The following GABRA3 variants were observed in gnomAD, a reference collection of about 807,000 sequenced individuals.
GABRA3 encodes the protein gamma-aminobutyric acid receptor subunit alpha-3.
Under a neutral mutation model 30.1 loss-of-function variants are expected in GABRA3, and 10 were observed. The ratio of observed to expected loss-of-function variants is 0.33; its 90% CI spans 0.20 to 0.56. The LOEUF (loss-of-function observed/expected upper bound fraction) is 0.56. Ranked by LOEUF, GABRA3 falls within the 20% of genes least tolerant of loss-of-function variation. The pLI is 0.89. For synonymous variants in GABRA3, 151 were observed against 146.8 expected (o/e 1.03, Z -0.21); for missense variants, 233 against 392.0 (o/e 0.59, Z 3.42).
intron 1 of GABRA3, among the ~76,000 whole-genome samples, chrX:152,407,001 G>A (rs185618921): frequency 3.5e-3 from 389 of 111,683 alleles, no homozygotes; most frequent in Middle Eastern, 9.2e-3. Context: ...ATGACCATTG[G>A]GCCAATAAAC....
chrX:152,413,682 C>T (rs772775039), intron 1 of GABRA3, among the ~76,000 whole-genome samples: 1 of 111,084 alleles, frequency 9.0e-6, no homozygotes, highest in South Asian at 3.7e-4. Flanking sequence ...CTGAAAAAAA[C>T]GTTGAGCTGC....
chrX:152,440,504 C>T (rs752746302), intron 1 of GABRA3, among the ~76,000 whole-genome samples: 5 of 112,021 alleles, frequency 4.5e-5, no homozygotes, highest in Admixed American at 1.9e-4. Flanking sequence ...TTTGACCCAG[C>T]GATCCCATTA....
intron 5 of GABRA3, among the ~76,000 whole-genome samples, chrX:152,241,072 C>T (rs1938354421): frequency 9.1e-6 from 1 of 109,916 alleles, no homozygotes; most frequent in Non-Finnish European, 1.9e-5. Flanking sequence ...AGAAGAGGCG[C>T]TCTGCGTTTT....
At chrX:152,295,385 G>A (rs1339565196) in intron 3 of GABRA3, among the ~76,000 whole-genome samples, 1 of 112,961 alleles carries the variant, frequency 8.9e-6, no homozygotes, top group Non-Finnish European at 1.9e-5. Flanking sequence ...TTGTTTACCT[G>A]CTCAAGCCTC....
At chrX:152,317,885 C>A (rs992295133) in intron 3 of GABRA3, among the ~76,000 whole-genome samples, 1 of 111,276 alleles carries the variant, frequency 9.0e-6, no homozygotes, top group Non-Finnish European at 1.9e-5. Flanking sequence ...CACAAATAGA[C>A]AATCAAAGGT....
At chrX:152,188,226 T>C (rs1937281081) in intron 9 of GABRA3, among the ~76,000 whole-genome samples, 1 of 111,227 alleles carries the variant, frequency 9.0e-6, no homozygotes, top group Non-Finnish European at 1.9e-5. Context: ...CCTGCACTTG[T>C]ACCCCTGAAC....
chrX:152,334,670 G>C (rs1438675794), intron 3 of GABRA3, among the ~76,000 whole-genome samples: 1 of 111,180 alleles, frequency 9.0e-6, no homozygotes, highest in African/African-American at 3.3e-5. Context: ...TTGGATTACA[G>C]GTGTGAGCCA....
intron 1 of GABRA3, among the ~76,000 whole-genome samples, chrX:152,444,758 G>GT (rs1931030631): frequency 5.1e-5 from 3 of 59,117 alleles, no homozygotes; most frequent in Non-Finnish European, 6.0e-5. Flanking sequence ...GTTTTTTTTT[G>GT]TTTGTTTGTT....
intron 5 of GABRA3, among the ~76,000 whole-genome samples, chrX:152,240,103 AT>A (rs1215030862): frequency 1.0e-5 from 1 of 98,167 alleles, no homozygotes; most frequent in African/African-American, 4.2e-5. Context: ...TGGTCTTTAC[AT>A]TTTGGCATGA....
At chrX:152,196,382 G>C (rs1937387314) in intron 8 of GABRA3, among the ~76,000 whole-genome samples, 1 of 84,488 alleles carries the variant, frequency 1.2e-5, no homozygotes. Context: ...TGGGCAACAA[G>C]AGTGAAACTC....
At chrX:152,324,874 T>TA (rs1335530806) in intron 3 of GABRA3, among the ~76,000 whole-genome samples, 5 of 111,258 alleles carry the variant, frequency 4.5e-5, no homozygotes, top group Admixed American at 9.6e-5. Context: ...TCAATGGTTG[T>TA]AAAAAAAATA....
chrX:152,268,132 T>G (rs1938862302), intron 4 of GABRA3, among the ~76,000 whole-genome samples: 1 of 111,232 alleles, frequency 9.0e-6, no homozygotes, highest in Non-Finnish European at 1.9e-5. Flanking sequence ...TAAACTTTAC[T>G]CTTAGTACTG....
At chrX:152,366,663 A>C (rs905368185) in intron 1 of GABRA3, among the ~76,000 whole-genome samples, 1 of 112,622 alleles carries the variant, frequency 8.9e-6, no homozygotes, top group Non-Finnish European at 1.9e-5. Flanking sequence ...CAGTGAAACA[A>C]AGAGCCTTCA....
intron 1 of GABRA3, among the ~76,000 whole-genome samples, chrX:152,383,635 C>T (rs191502625): frequency 9.4e-6 from 1 of 106,905 alleles, no homozygotes; most frequent in East Asian, 2.9e-4. Flanking sequence ...AAAATCCCTA[C>T]GATCATCTCA....
At chrX:152,404,998 A>T (rs186467431) in intron 1 of GABRA3, among the ~76,000 whole-genome samples, 1 of 109,117 alleles carries the variant, frequency 9.2e-6, no homozygotes, top group African/African-American at 3.3e-5. Context: ...CTTTATAGGA[A>T]AAAAATACTC....
In GABRA3 at chrX:152,167,901, G is replaced by T. The variant is rs772053775; in HGVS notation, c.*327C>A. 3.8e-6 allele frequency: 1 copy of T among 264,306 alleles called. No individual in the cohort carries two copies. Among genetic ancestry groups the T allele is most frequent in the Non-Finnish European group, 6.7e-6 (1 of 149,314 alleles). 21.8% of individuals were successfully genotyped at this position (264,306 alleles called of 1,213,427 possible). ...GCCAAGGCTTCCACTATGGAGAGTA[G>T]AATCTCTTGTTCTTTTTGCAGCGGG... On this transcript the variant is annotated 3_prime_UTR_variant, in exon 10 of 10. Coordinates refer to ENST00000370314, the MANE Select transcript of GABRA3 (RefSeq NM_000808.4).
Position 152,353,864 on chromosome X carries a change from CACA to C in GABRA3, c.141-8165_141-8163del, listed in dbSNP as rs746340071. ...CTCCTGACATAACGCAACAGGAAGC[CACA>C]ACATCACCTACAAAGTATCATTGAT... On this transcript the variant is annotated intron_variant, in intron 2 of 9. Transcript: ENST00000370314. Among the ~76,000 whole-genome samples, 24 of 111,470 alleles carry C rather than the reference CACA, an allele frequency of 2.2e-4. No individual in the cohort carries two copies. The Admixed American group carries it at 2.3e-3, about 11-fold the overall frequency.
At chrX:152,191,719 T>A (rs1283875887) in intron 8 of GABRA3, among the ~76,000 whole-genome samples, 1 of 110,125 alleles carries the variant, frequency 9.1e-6, no homozygotes, top group Non-Finnish European at 1.9e-5. Context: ...AGTACCTTAC[T>A]TATATATTTG....
intron 4 of GABRA3, among the ~76,000 whole-genome samples, chrX:152,278,472 C>G (rs184313733): frequency 2.5e-4 from 28 of 111,532 alleles, no homozygotes; most frequent in South Asian, 7.6e-4. Context: ...GTATTCCATG[C>G]TGTATATGTG....
Sources: allele counts gnomAD v4.1 joint callset (sites outside exome capture counted in the v4.1 genomes callset), GRCh38; gene constraint gnomAD v4.1.1; transcripts MANE v1.5; gene names NCBI Gene and HGNC (gene_info 2026-07-23, HGNC 2026-07-21).